SPMIP3: variants seen among roughly 807,000 people sequenced by gnomAD.
SPMIP3 encodes protein SPMIP3.
At chr1:244,374,465 C>T in the SPMIP3 span, among the ~76,000 whole-genome samples, 1 of 151,744 alleles carries the variant, frequency 6.6e-6, no homozygotes, top group Non-Finnish European at 1.5e-5. Context: ...TTGTAAACAT[C>T]AAAAGTAGAA....
At chr1:244,360,556 ACATGCATG>A in the SPMIP3 span, among the ~76,000 whole-genome samples, 4,643 of 24,216 alleles carry the variant, frequency 0.19, 283 homozygotes, top group East Asian at 0.3. Context: ...ACACACACAC[ACATGCATG>A]CATGGAATAT....
the SPMIP3 span, among the ~76,000 whole-genome samples, chr1:244,377,255 G>A: frequency 6.6e-6 from 1 of 152,034 alleles, no homozygotes; most frequent in African/African-American, 2.4e-5. Flanking sequence ...CCGAGTAGCT[G>A]GGACTACAGG....
At chr1:244,373,900 G>A in the SPMIP3 span, among the ~76,000 whole-genome samples, 1 of 152,006 alleles carries the variant, frequency 6.6e-6, no homozygotes, top group Admixed American at 6.6e-5. Context: ...GATCACTTGA[G>A]GCCAGGAGTT....
At chr1:244,364,581 A>ATTTTTACTGATTTCTTTC in the SPMIP3 span, 7 of 939,206 alleles carry the variant, frequency 7.5e-6, no homozygotes, top group Non-Finnish European at 1.2e-5. Flanking sequence ...CATGTCAAAT[A>ATTTTTACTGATTTCTTTC]TTTTTACTGA....
At chr1:244,364,253 C>G in the SPMIP3 span, among the ~76,000 whole-genome samples, 1,089 of 151,956 alleles carry the variant, frequency 7.2e-3, 5 homozygotes, top group African/African-American at 0.025. Context: ...TACAGGCGCC[C>G]GCCACCAGGC....
the SPMIP3 span, among the ~76,000 whole-genome samples, chr1:244,356,163 T>C: frequency 9.2e-5 from 14 of 152,218 alleles, no homozygotes; most frequent in Non-Finnish European, 1.5e-4. Context: ...TGCAGCACTA[T>C]GTTTAATATG....
chr1:244,384,898 G>T, the SPMIP3 span, among the ~76,000 whole-genome samples: 1 of 151,896 alleles, frequency 6.6e-6, no homozygotes, highest in Non-Finnish European at 1.5e-5. Flanking sequence ...TAACCATTTG[G>T]CCAGTTTTTG....
the SPMIP3 span, among the ~76,000 whole-genome samples, chr1:244,385,574 C>T: frequency 2.0e-5 from 3 of 152,112 alleles, no homozygotes; most frequent in African/African-American, 2.4e-5. Flanking sequence ...TTACCAACAG[C>T]GTGGCCCTTA....
the SPMIP3 span, chr1:244,375,347 C>T: frequency 5.7e-6 from 9 of 1,567,604 alleles, no homozygotes; most frequent in African/African-American, 5.4e-5. Context: ...TGGCTTTCTT[C>T]TCACCTCCTC....
chr1:244,387,861 T>C, the SPMIP3 span, among the ~76,000 whole-genome samples: 2 of 152,116 alleles, frequency 1.3e-5, no homozygotes, highest in Admixed American at 1.3e-4. Context: ...CCCAGGTTTC[T>C]AGTTTGTGTT....
At chr1:244,365,923 T>C in the SPMIP3 span, among the ~76,000 whole-genome samples, 1 of 152,110 alleles carries the variant, frequency 6.6e-6, no homozygotes, top group African/African-American at 2.4e-5. Context: ...TAAGGAGCTG[T>C]TTCGCTCTTT....
chr1:244,360,561 CAT>C, the SPMIP3 span, among the ~76,000 whole-genome samples: 3 of 13,816 alleles, frequency 2.2e-4, no homozygotes, highest in Non-Finnish European at 4.0e-4. Flanking sequence ...CACACACATG[CAT>C]GCATGGAATA....
the SPMIP3 span, among the ~76,000 whole-genome samples, chr1:244,359,027 C>T: frequency 2.6e-5 from 4 of 151,470 alleles, no homozygotes; most frequent in African/African-American, 9.7e-5. Flanking sequence ...TGAGTTACCA[C>T]GTTCAGATTT....
At chr1:244,389,503 G>A in the SPMIP3 span, 1,092 of 156,672 alleles carry the variant, frequency 7.0e-3, 11 homozygotes, top group African/African-American at 0.025. Context: ...AGGCTGTAGC[G>A]AGATGTGGGA....
At chr1:244,378,396 T>C in the SPMIP3 span, 19 of 1,462,080 alleles carry the variant, frequency 1.3e-5, no homozygotes, top group Non-Finnish European at 6.5e-6. Context: ...AGGGAATGGA[T>C]TCCAGCTGAC....
chr1:244,373,112 G>A, the SPMIP3 span, among the ~76,000 whole-genome samples: 6 of 151,572 alleles, frequency 4.0e-5, no homozygotes, highest in African/African-American at 9.7e-5. Flanking sequence ...TGGGTGCAGC[G>A]GCTCGCACCT....
At chr1:244,364,865 G>T in the SPMIP3 span, 1 of 1,126,356 alleles carries the variant, frequency 8.9e-7, no homozygotes. Flanking sequence ...ACTACTGCCA[G>T]GGAGTTCTAG....
At chr1:244,389,337 G>C in the SPMIP3 span, 6 of 241,778 alleles carry the variant, frequency 2.5e-5, no homozygotes, top group Non-Finnish European at 4.1e-5. Flanking sequence ...CAATGTATAC[G>C]CAGGATCAGG....
the SPMIP3 span, chr1:244,375,536 G>A: frequency 2.5e-5 from 31 of 1,264,288 alleles, no homozygotes; most frequent in Admixed American, 3.6e-4. Context: ...AGGGGTCGGC[G>A]GGGGGAAGAT....
Sources: allele counts gnomAD v4.1 joint callset (sites outside exome capture counted in the v4.1 genomes callset), GRCh38; gene constraint gnomAD v4.1.1; transcripts MANE v1.5; gene names NCBI Gene and HGNC (gene_info 2026-07-23, HGNC 2026-07-21).